Variants in LRBA observed in about 807,000 individuals in gnomAD.
LRBA encodes the protein lipopolysaccharide-responsive and beige-like anchor protein.
Under a neutral mutation model 330.0 loss-of-function variants are expected in LRBA, and 176 were observed. The ratio of observed to expected loss-of-function variants is 0.53; its 90% CI spans 0.47 to 0.60. The LOEUF (loss-of-function observed/expected upper bound fraction) is 0.60, where lower values mean the gene tolerates loss of function less well. Among genes scored for constraint, LRBA ranks in the 20% least tolerant of loss-of-function variants. The pLI is 0.00. For missense variants in LRBA, 3,259 were observed against 3,444.8 expected, an observed-to-expected ratio of 0.95 and a Z score of 1.35; for synonymous variants, 1,230 against 1,193.0, an observed-to-expected ratio of 1.03 and a Z score of -0.64.
At chr4:151,015,712 G>A (rs1745341877), upstream of LRBA, 1 of 151,906 alleles carries the variant, frequency 6.6e-6, no homozygotes, top group Admixed American at 6.6e-5. Context: ...CGGCCGCCAT[G>A]ACAGCGCCGA....
At chr4:150,320,295 T>G (rs1732312934) in intron 50 of LRBA, among the ~76,000 whole-genome samples, 5 of 152,322 alleles carry the variant, frequency 3.3e-5, no homozygotes, top group South Asian at 4.1e-4. Context: ...TCAATGCCTC[T>G]TTAAATCTGC....
intron 37 of LRBA, among the ~76,000 whole-genome samples, chr4:150,617,697 T>C (rs961262081): frequency 2.3e-4 from 35 of 152,176 alleles, no homozygotes; most frequent in African/African-American, 8.4e-4. Flanking sequence ...TGTGAGAGCT[T>C]TCCTATATTC....
intron 35 of LRBA, among the ~76,000 whole-genome samples, chr4:150,749,982 T>TA (rs1287789640): frequency 2.0e-5 from 3 of 152,202 alleles, no homozygotes; most frequent in African/African-American, 7.2e-5. Context: ...GTTTAAATAA[T>TA]ACACAATACT....
At chr4:150,789,993 T>C (rs1261717003) in intron 34 of LRBA, among the ~76,000 whole-genome samples, 4 of 152,190 alleles carry the variant, frequency 2.6e-5, no homozygotes, top group Admixed American at 6.5e-5. Flanking sequence ...AAAAGACTAG[T>C]TGTAAAACAG....
intron 2 of LRBA, among the ~76,000 whole-genome samples, chr4:150,970,474 T>A (rs1406919740): frequency 6.6e-6 from 1 of 150,650 alleles, no homozygotes; most frequent in African/African-American, 2.4e-5. Context: ...CACTTCAGCC[T>A]GGGCAGCAAA....
intron 40 of LRBA, among the ~76,000 whole-genome samples, chr4:150,529,740 A>T (rs553180891): frequency 9.9e-5 from 15 of 152,132 alleles, no homozygotes; most frequent in Admixed American, 2.6e-4. Context: ...AAAGAAAAAA[A>T]AAATAATAAC....
chr4:150,833,164 C>A (rs1202543571), intron 28 of LRBA, among the ~76,000 whole-genome samples: 1 of 151,910 alleles, frequency 6.6e-6, no homozygotes, highest in Non-Finnish European at 1.5e-5. Flanking sequence ...AGAAGACAAA[C>A]TAGACTGACC....
intron 22 of LRBA, among the ~76,000 whole-genome samples, chr4:150,863,907 A>G (rs1752327872): frequency 6.6e-6 from 1 of 152,012 alleles, no homozygotes; most frequent in African/African-American, 2.4e-5. Flanking sequence ...GCAGTTCTCA[A>G]ACTTTTTGGT....
chr4:150,578,949 T>C (rs1770874725), intron 40 of LRBA: 1 of 263,622 alleles, frequency 3.8e-6, no homozygotes, highest in Non-Finnish European at 7.4e-6. Flanking sequence ...AACAGTCAAA[T>C]AAAATGTCCT....
chr4:150,459,317 G>T (rs1754470279), intron 44 of LRBA, among the ~76,000 whole-genome samples: 1 of 151,850 alleles, frequency 6.6e-6, no homozygotes, highest in Admixed American at 6.6e-5. Context: ...CTCCAAAAAA[G>T]TCAATCTCTT....
At chr4:150,451,113 T>C (rs768500595) in intron 44 of LRBA, among the ~76,000 whole-genome samples, 10 of 152,112 alleles carry the variant, frequency 6.6e-5, no homozygotes, top group Non-Finnish European at 1.5e-4. Context: ...TAACTTATAG[T>C]TGGAGACTTC....
In LRBA at chr4:150,388,363, C is replaced by A. The variant is rs189720147; in HGVS notation, c.7194+27075G>T. Among the ~76,000 whole-genome samples the A allele has an allele frequency of 4.6e-5, 7 of 152,330 alleles. No individual in the cohort carries two copies. In the East Asian group the frequency reaches 1.3e-3, roughly 29 times the overall value. On this transcript the variant is annotated intron_variant, in intron 47 of 56. Coordinates refer to ENST00000651943, the MANE Select transcript of LRBA (RefSeq NM_001364905.1). ...TGCCTCTAACCTCCTAAAATTCATG[C>A]CTTTATCACACGCAAAATGCATTAA...
intron 31 of LRBA, among the ~76,000 whole-genome samples, chr4:150,815,463 C>T (rs141631714): frequency 3.3e-5 from 5 of 151,624 alleles, no homozygotes; most frequent in East Asian, 1.9e-4. Flanking sequence ...GGGAAACCAG[C>T]GAGGGAGAGA....
intron 36 of LRBA, among the ~76,000 whole-genome samples, chr4:150,693,657 A>T (rs1408453953): frequency 6.6e-6 from 1 of 152,062 alleles, no homozygotes; most frequent in Admixed American, 6.5e-5. Context: ...AGCAAATGTC[A>T]ACCATAAAAT....
At chr4:150,435,786 A>G in intron 45 of LRBA, 78 bp from the exon 46 acceptor site, 1 of 1,165,138 alleles carries the variant, frequency 8.6e-7, no homozygotes, top group Admixed American at 2.4e-5. Flanking sequence ...TTAGAACTAA[A>G]TACTTTAATG....
chr4:150,943,290 T>C (rs1735875471), intron 2 of LRBA, among the ~76,000 whole-genome samples: 1 of 152,234 alleles, frequency 6.6e-6, no homozygotes, highest in East Asian at 1.9e-4. Flanking sequence ...CCTCTTTTCC[T>C]TTTTATTTGA....
At chr4:150,411,232 C>T (rs923949163) in intron 47 of LRBA, among the ~76,000 whole-genome samples, 2 of 152,118 alleles carry the variant, frequency 1.3e-5, no homozygotes, top group African/African-American at 4.8e-5. Flanking sequence ...ATAAGCCCAT[C>T]CACTTAGCCA....
At chr4:150,818,592 G>A (rs1264064189) in intron 30 of LRBA, among the ~76,000 whole-genome samples, 2 of 151,656 alleles carry the variant, frequency 1.3e-5, no homozygotes, top group African/African-American at 4.8e-5. Flanking sequence ...GTGTACGTAT[G>A]TATTAGTGGT....
chr4:150,886,575 C>G (rs1243556195), intron 17 of LRBA, among the ~76,000 whole-genome samples: 9 of 151,850 alleles, frequency 5.9e-5, no homozygotes, highest in Non-Finnish European at 1.2e-4. Flanking sequence ...CTCCCTGGAT[C>G]GAAGGGGAAA....
Sources: allele counts gnomAD v4.1 joint callset (sites outside exome capture counted in the v4.1 genomes callset), GRCh38; gene constraint gnomAD v4.1.1; transcripts MANE v1.5; gene names NCBI Gene and HGNC (gene_info 2026-07-23, HGNC 2026-07-21).